Variants in MTNR1B observed in about 807,000 individuals in gnomAD.
The protein encoded by MTNR1B is melatonin receptor type 1B.
MTNR1B carries 7 observed loss-of-function variants against 7.0 expected under a neutral mutation model. That is an observed-to-expected ratio of 1.00 (90% CI 0.57 to 1.88). The LOEUF is 1.88. Ranked by LOEUF, MTNR1B falls within the 40% of genes most tolerant of loss-of-function variation. The pLI is 0.00. For missense variants in MTNR1B, 478 were observed against 486.5 expected (o/e 0.98, Z 0.16); for synonymous variants, 226 against 208.2 (o/e 1.09, Z -0.74).
intron 1 of MTNR1B, chr11:92,972,542 A>AGTGGAGGCAAGGTGGGAGGTAGG (rs1181958791): frequency 8.8e-6 from 4 of 455,636 alleles, no homozygotes; most frequent in African/African-American, 8.0e-5. Flanking sequence ...GACAGGGAGG[A>AGTGGAGGCAAGGTGGGAGGTAGG]GTGGAGGCAA....
chr11:92,970,014 G>T, intron 1 of MTNR1B, 66 bp downstream of exon 1: 3 of 1,432,496 alleles, frequency 2.1e-6, no homozygotes, highest in East Asian at 2.7e-5. Flanking sequence ...TCTTGTCCCT[G>T]ACCCCGGGAT....
intron 1 of MTNR1B, among the ~76,000 whole-genome samples, chr11:92,976,378 G>A (rs1858008918): frequency 6.6e-6 from 1 of 152,060 alleles, no homozygotes; most frequent in South Asian, 2.1e-4. Context: ...ATCTCACAGG[G>A]ATCCCAGTCC....
intron 1 of MTNR1B, among the ~76,000 whole-genome samples, chr11:92,970,686 A>G (rs1440970806): frequency 6.6e-6 from 1 of 152,196 alleles, no homozygotes; most frequent in African/African-American, 2.4e-5. Context: ...GTCTTCAAAG[A>G]AACAAAACCA....
At chr11:92,984,344 G>T (rs891710889), downstream of MTNR1B, among the ~76,000 whole-genome samples, 1 of 152,108 alleles carries the variant, frequency 6.6e-6, no homozygotes, top group Non-Finnish European at 1.5e-5. Flanking sequence ...TGAGGTCCTT[G>T]ACCTAACTGT....
chr11:92,970,232 G>A (rs903021307), intron 1 of MTNR1B, among the ~76,000 whole-genome samples: 3 of 152,218 alleles, frequency 2.0e-5, no homozygotes, highest in African/African-American at 7.2e-5. Context: ...AACCCACGCT[G>A]CTGGATGCCA....
At chr11:92,980,106 G>T (rs1858074529) in intron 1 of MTNR1B, among the ~76,000 whole-genome samples, 2 of 152,268 alleles carry the variant, frequency 1.3e-5, no homozygotes, top group East Asian at 3.9e-4. Context: ...CACAGCCTCT[G>T]TGGCAATGGG....
At chr11:92,972,029 G>A (rs995906023) in intron 1 of MTNR1B, among the ~76,000 whole-genome samples, 3 of 152,158 alleles carry the variant, frequency 2.0e-5, no homozygotes, top group African/African-American at 7.2e-5. Context: ...GGCTTTATTG[G>A]TGACAGTCAC....
In MTNR1B at chr11:92,969,808, C is replaced by T. The variant is rs764087177; in HGVS notation, c.83C>T (p.Ala28Val). ...VRPGWSGAGS[A>V]RPSRTPRPPW... ...CCGGGCTGGTCGGGGGCTGGCAGCG[C>T]GCGGCCCTCCAGGACCCCTCGACCT... The change falls in exon 1 of 2, where the codon GCG becomes GTG. Residue 28 changes from alanine (A) to valine (V), a missense_variant. Transcript: ENST00000257068. 1.8e-5 allele frequency: 29 copies of T among 1,567,946 alleles called. No homozygotes were observed. In the Admixed American group the frequency reaches 4.3e-4, roughly 23 times the overall value.
At chr11:92,978,743 G>T (rs1244701123) in intron 1 of MTNR1B, among the ~76,000 whole-genome samples, 1 of 152,232 alleles carries the variant, frequency 6.6e-6, no homozygotes, top group Admixed American at 6.5e-5. Flanking sequence ...AGTAATAGGG[G>T]ATAGTAATTG....
chr11:92,977,635 T>TC (rs1159221580), intron 1 of MTNR1B, among the ~76,000 whole-genome samples: 5 of 152,172 alleles, frequency 3.3e-5, no homozygotes, highest in African/African-American at 1.2e-4. Flanking sequence ...ACTCACAAAT[T>TC]CCCCACTGTT....
chr11:92,983,016 G>A (rs924308507), downstream of MTNR1B, among the ~76,000 whole-genome samples: 5 of 137,962 alleles, frequency 3.6e-5, no homozygotes, highest in Non-Finnish European at 7.5e-5. Flanking sequence ...TCCTTTTCTG[G>A]TTCCATCATG....
At position 92,972,449 on chromosome 11, in the gene MTNR1B, T is replaced by C. The variant is rs1263053529; in HGVS notation, c.223+2501T>C. ...GGGTGAGTGGTTAGATTAATTGTCTTTTTTTTTTCAGGGATATCCTATCTG... is the reference window on the plus strand; with the variant it reads ...GGGTGAGTGGTTAGATTAATTGTCTCTTTTTTTTCAGGGATATCCTATCTG... On this transcript the variant is annotated intron_variant, in intron 1 of 1. Coordinates refer to ENST00000257068, the MANE Select transcript of MTNR1B (RefSeq NM_005959.5). 8.8e-6 allele frequency: 4 copies of C among 455,274 alleles called. No homozygotes were observed. The East Asian group carries it at 2.8e-4, about 32-fold the overall frequency. The allele number at this position is 455,274 out of a possible 1,614,324, so 28.2% of individuals were successfully genotyped here.
chr11:92,974,691 C>T (rs1317534039), intron 1 of MTNR1B, among the ~76,000 whole-genome samples: 3 of 151,242 alleles, frequency 2.0e-5, no homozygotes, highest in Admixed American at 2.0e-4. Flanking sequence ...AAGCTCCGCC[C>T]CCTGGGGTTC....
chr11:92,977,540 A>C (rs1411212851), intron 1 of MTNR1B, among the ~76,000 whole-genome samples: 1 of 152,212 alleles, frequency 6.6e-6, no homozygotes, highest in Non-Finnish European at 1.5e-5. Context: ...CTGTTGCAAA[A>C]GTCTTGGTAA....
chr11:92,978,896 G>A (rs1489739637), intron 1 of MTNR1B, among the ~76,000 whole-genome samples: 1 of 152,172 alleles, frequency 6.6e-6, no homozygotes, highest in Non-Finnish European at 1.5e-5. Context: ...TGGCAGAGCT[G>A]GCACCGGCTC....
intron 1 of MTNR1B, 60 bp downstream of exon 1, chr11:92,970,008 G>GTCCCTGACCCCGGGATATGCGC: frequency 6.9e-7 from 1 of 1,449,154 alleles, no homozygotes; most frequent in Non-Finnish European, 9.2e-7. Context: ...TTCTGATCTT[G>GTCCCTGACCCCGGGATATGCGC]TCCCTGACCC....
intron 1 of MTNR1B, chr11:92,972,534 CAG>C: frequency 2.2e-6 from 1 of 456,102 alleles, no homozygotes; most frequent in South Asian, 1.5e-5. Flanking sequence ...GAAAGGCAGA[CAG>C]GGAGGAGTGG....
chr11:92,973,391 T>C (rs1857963293), intron 1 of MTNR1B, among the ~76,000 whole-genome samples: 1 of 152,164 alleles, frequency 6.6e-6, no homozygotes, highest in African/African-American at 2.4e-5. Flanking sequence ...CTGTCTTCAG[T>C]GGCTGCCCTC....
At chr11:92,983,150 A>T (rs1443302447), downstream of MTNR1B, among the ~76,000 whole-genome samples, 3 of 152,104 alleles carry the variant, frequency 2.0e-5, no homozygotes, top group African/African-American at 7.2e-5. Flanking sequence ...GGGATAACAC[A>T]TCTGCAGAGC....
Sources: gnomAD v4.1 joint callset for allele counts (sites outside exome capture counted in the v4.1 genomes callset) on GRCh38, gnomAD v4.1.1 for gene constraint, MANE v1.5 for transcripts, NCBI Gene and HGNC (gene_info 2026-07-23, HGNC 2026-07-21) for gene names.